HABP2: variants seen among roughly 807,000 people sequenced by gnomAD.
HABP2 encodes hyaluronan binding protein 2.
A neutral mutation model predicts 66.5 loss-of-function variants in HABP2; 65 were observed. The ratio of observed to expected loss-of-function variants is 0.98; its 90% CI spans 0.80 to 1.20. The LOEUF (loss-of-function observed/expected upper bound fraction) is 1.20. HABP2 is among the 50% of genes most tolerant of loss of function. HABP2 has a pLI of 0.00. For synonymous variants in HABP2, 263 were observed against 253.9 expected (o/e 1.04, Z -0.34); for missense variants, 786 against 691.0 (o/e 1.14, Z -1.54).
chr10:113,579,846 C>A (rs941735386), intron 7 of HABP2, among the ~76,000 whole-genome samples: 1 of 151,794 alleles, frequency 6.6e-6, no homozygotes, highest in Non-Finnish European at 1.5e-5. Context: ...GCAGTGGCAC[C>A]ATCTCAGCTC....
At chr10:113,552,412 A>G (rs1409950461), upstream of HABP2, among the ~76,000 whole-genome samples, 1 of 152,224 alleles carries the variant, frequency 6.6e-6, no homozygotes, top group African/African-American at 2.4e-5. Flanking sequence ...GGAACATAGG[A>G]AACAATTGTC....
At chr10:113,577,934 C>T in intron 5 of HABP2, 92 bp from the exon 6 acceptor site, 3 of 1,473,272 alleles carry the variant, frequency 2.0e-6, no homozygotes, top group Non-Finnish European at 2.8e-6. Flanking sequence ...GGATGGACAC[C>T]AGTAGAATGC....
chr10:113,571,508 C>T (rs1317951559), intron 2 of HABP2, among the ~76,000 whole-genome samples: 2 of 152,004 alleles, frequency 1.3e-5, no homozygotes, highest in South Asian at 2.1e-4. Context: ...TTGGCCAAAG[C>T]ATGTCCTAAG....
At chr10:113,574,124 C>T (rs1224317212) in intron 2 of HABP2, among the ~76,000 whole-genome samples, 165 bp from the exon 3 acceptor site, 1 of 152,180 alleles carries the variant, frequency 6.6e-6, no homozygotes, top group African/African-American at 2.4e-5. Flanking sequence ...GATGCAAAGC[C>T]TGAGCCCTCC....
chr10:113,566,187 G>A (rs1360566790), intron 1 of HABP2, among the ~76,000 whole-genome samples: 2 of 152,120 alleles, frequency 1.3e-5, no homozygotes, highest in South Asian at 2.1e-4. Flanking sequence ...CTGTCTAGTG[G>A]TAGAACTCGC....
chr10:113,563,288 G>A (rs1323571532), intron 1 of HABP2, among the ~76,000 whole-genome samples: 2 of 152,204 alleles, frequency 1.3e-5, no homozygotes, highest in Admixed American at 6.5e-5. Flanking sequence ...TGGAATGAAA[G>A]GAGGCAAATA....
intron 2 of HABP2, among the ~76,000 whole-genome samples, chr10:113,573,319 C>T (rs1845347858): frequency 6.6e-6 from 1 of 152,150 alleles, no homozygotes; most frequent in Non-Finnish European, 1.5e-5. Flanking sequence ...TTCCCAATGA[C>T]CAGTCTAGTG....
At chr10:113,583,503 G>A in intron 10 of HABP2, 145 bp downstream of exon 10, 1 of 710,412 alleles carries the variant, frequency 1.4e-6, no homozygotes, top group Non-Finnish European at 2.4e-6. Context: ...GTATTCCAGG[G>A]ATTTTTAGTT....
At chr10:113,575,814 CTG>C (rs1845397807) in intron 3 of HABP2, 81 bp from the exon 4 acceptor site, 1 of 763,438 alleles carries the variant, frequency 1.3e-6, no homozygotes, top group Non-Finnish European at 2.3e-6. Flanking sequence ...GGGCAGGAGA[CTG>C]AAATTTGATG....
At chr10:113,572,570 T>G (rs952928858) in intron 2 of HABP2, 6 of 367,726 alleles carry the variant, frequency 1.6e-5, no homozygotes, top group Non-Finnish European at 3.3e-5. Flanking sequence ...TTGTCTCTCC[T>G]AAATGTCAGT....
chr10:113,576,948 G>T (rs1393055269), intron 4 of HABP2, among the ~76,000 whole-genome samples: 2 of 152,132 alleles, frequency 1.3e-5, no homozygotes, highest in African/African-American at 4.8e-5. Context: ...AAGACTATGG[G>T]CATGGGAAGC....
Position 113,574,291 on chromosome 10 carries a change from T to G in HABP2, c.109T>G (p.Trp37Gly). ...MSLLESLDPD[W>G]TPDQYDYSYE... ...CTGTCCTGTTACCATCCCTGCAGAC[T>G]GGACCCCTGACCAGTATGATTACAG... Residue 37 changes from tryptophan (W) to glycine (G), a missense_variant and splice_region_variant, in exon 3 of 13, where the codon TGG becomes GGG. Transcript: ENST00000351270. The G allele has an allele frequency of 1.3e-6, 2 of 1,528,832 alleles. No individual in the cohort carries two copies. The highest frequency in any genetic ancestry group is 1.8e-6 in the Non-Finnish European group (2 of 1,102,056). The allele number at this position is 1,528,832 out of a possible 1,614,324, so 94.7% of individuals were successfully genotyped here.
chr10:113,570,559 G>A (rs1845287416), intron 2 of HABP2, among the ~76,000 whole-genome samples: 1 of 152,182 alleles, frequency 6.6e-6, no homozygotes, highest in South Asian at 2.1e-4. Context: ...ATCTACCAGT[G>A]GAACCAAAAT....
chr10:113,570,627 C>T (rs7079148), intron 2 of HABP2, among the ~76,000 whole-genome samples: 87,257 of 152,080 alleles, frequency 0.57, 26,688 homozygotes, highest in East Asian at 0.86. Flanking sequence ...GTTTCTAGAT[C>T]GCTACAGAGC....
chr10:113,560,349 A>T (rs1254880284), intron 1 of HABP2, among the ~76,000 whole-genome samples: 1 of 152,194 alleles, frequency 6.6e-6, no homozygotes, highest in Non-Finnish European at 1.5e-5. Context: ...GATGGCTATC[A>T]TTTTCGAGAA....
intron 4 of HABP2, 115 bp downstream of exon 4, chr10:113,576,119 T>TG: frequency 1.5e-6 from 1 of 687,530 alleles, no homozygotes; most frequent in Non-Finnish European, 2.6e-6. Flanking sequence ...CAATACTGTA[T>TG]CATGCATAGT....
At chr10:113,564,336 C>T (rs1162593321) in intron 1 of HABP2, among the ~76,000 whole-genome samples, 3 of 152,148 alleles carry the variant, frequency 2.0e-5, no homozygotes, top group African/African-American at 7.2e-5. Context: ...AGGGACACAG[C>T]CAAACCATAT....
chr10:113,581,862 C>A lies in HABP2; in HGVS notation c.839-14C>A, dbSNP rs1282312276. 6.2e-7 allele frequency: 1 copy of A among 1,613,650 alleles called. No individual in the cohort carries two copies. The highest frequency in any genetic ancestry group is 1.7e-5 in the Admixed American group (1 of 59,890). ...AGGCTGAATAGCACAATTTATCTTT[C>A]TTGTGTCCCACAGACGTTGCCTACC... On this transcript the variant is annotated splice_polypyrimidine_tract_variant and intron_variant, in intron 8 of 12. Transcript: ENST00000351270.
At chr10:113,579,871 C>A (rs1423657759) in intron 7 of HABP2, among the ~76,000 whole-genome samples, 1 of 152,094 alleles carries the variant, frequency 6.6e-6, no homozygotes, top group Non-Finnish European at 1.5e-5. Context: ...CAACCTCTGC[C>A]TCTCAGGTTC....
Sources: gnomAD v4.1 joint callset for allele counts (sites outside exome capture counted in the v4.1 genomes callset) on GRCh38, gnomAD v4.1.1 for gene constraint, MANE v1.5 for transcripts, NCBI Gene and HGNC (gene_info 2026-07-23, HGNC 2026-07-21) for gene names.